Variants in AAGAB observed in about 807,000 individuals in gnomAD.
The protein encoded by AAGAB is alpha- and gamma-adaptin-binding protein p34.
A neutral mutation model predicts 44.1 loss-of-function variants in AAGAB; 38 were observed. The observed-to-expected ratio is 0.86, with a 90% CI of 0.67 to 1.13. The LOEUF is 1.13. Ranked by LOEUF, AAGAB falls within the 50% of genes most tolerant of loss-of-function variation. The probability of loss-of-function intolerance (pLI) is 0.00; values close to 1 mark genes in which losing one functional copy is unlikely to be tolerated. For synonymous variants in AAGAB, 131 were observed against 131.8 expected, an observed-to-expected ratio of 0.99 and a Z score of 0.04; for missense variants, 450 against 373.8, an observed-to-expected ratio of 1.20 and a Z score of -1.68.
intron 5 of AAGAB, among the ~76,000 whole-genome samples, chr15:67,228,355 T>C (rs879328909): frequency 1.6e-4 from 24 of 152,240 alleles, no homozygotes; most frequent in Non-Finnish European, 2.2e-4. Flanking sequence ...AACAAGGATT[T>C]GCTAAATAGA....
At chr15:67,238,850 C>G (rs1171643941) in intron 1 of AAGAB, among the ~76,000 whole-genome samples, 3 of 152,178 alleles carry the variant, frequency 2.0e-5, no homozygotes, top group Admixed American at 6.5e-5. Context: ...CACCCGCCAC[C>G]ATGCCCAGCT....
rs1963591510 is a variant in AAGAB at position 67,202,581 on chromosome 15, G to C, written c.*240C>G. 2 of 487,672 alleles carry C rather than the reference G, an allele frequency of 4.1e-6. No homozygotes were observed. Among genetic ancestry groups the C allele is most frequent in the South Asian group, 7.2e-5 (2 of 27,870 alleles). The allele number at this position is 487,672 out of a possible 1,614,324, so 30.2% of individuals were successfully genotyped here. A position where few individuals can be genotyped will look rare whatever the true frequency, so the allele number is the denominator to read the frequency against. The stretch of plus-strand genomic sequence containing the variant: ...CCCTCATTCCTAGAACAAAAAAAAA[G>C]TATATTTAAGAAATCCTCACTCATT... On this transcript the variant is annotated 3_prime_UTR_variant, in exon 10 of 10. Coordinates refer to ENST00000261880, the MANE Select transcript of AAGAB (RefSeq NM_024666.5).
intron 5 of AAGAB, among the ~76,000 whole-genome samples, chr15:67,210,869 C>G (rs182204488): frequency 3.9e-5 from 6 of 152,224 alleles, no homozygotes; most frequent in African/African-American, 7.2e-5. Context: ...GACTGTAACC[C>G]AAGAGTAACA....
At chr15:67,209,625 C>T (rs1963765653) in intron 5 of AAGAB, 81 bp from the exon 6 acceptor site, 1 of 1,129,914 alleles carries the variant, frequency 8.9e-7, no homozygotes, top group Non-Finnish European at 1.3e-6. Flanking sequence ...GAAACAAAGG[C>T]TACTTATTTG....
chr15:67,230,278 C>CAATT (rs1304869160), intron 5 of AAGAB, among the ~76,000 whole-genome samples: 1 of 152,160 alleles, frequency 6.6e-6, no homozygotes, highest in Non-Finnish European at 1.5e-5. Flanking sequence ...TGTTAATGGA[C>CAATT]TGAATTGTAT....
intron 5 of AAGAB, among the ~76,000 whole-genome samples, chr15:67,216,376 A>G (rs1963946397): frequency 8.1e-6 from 1 of 123,556 alleles, no homozygotes. Context: ...CGGGAGGTGG[A>G]GGTTGCAGTG....
Position 67,202,871 on chromosome 15 carries a change from C to A in AAGAB, c.898G>T (p.Gly300Trp). ...CCTTCAATTTCATCTCTGTCTCCCCCGATTGCCATCCAGAATGCTTTGGCC... is the reference window on the plus strand; with the variant it reads ...CCTTCAATTTCATCTCTGTCTCCCCAGATTGCCATCCAGAATGCTTTGGCC... ...KVAKAFWMAI[G>W]GDRDEIEGLS... is the part of the protein sequence containing the mutation. Residue 300 changes from glycine to tryptophan, a missense_variant, in exon 10 of 10, where the codon GGG (glycine) becomes TGG (tryptophan). Gly to Trp is a radical substitution (Grantham distance 184, BLOSUM62 -2). Coordinates refer to ENST00000261880, the MANE Select transcript of AAGAB (RefSeq NM_024666.5). 3 of 1,614,042 alleles carry A rather than the reference C, an allele frequency of 1.9e-6. No homozygotes were observed. The highest frequency in any genetic ancestry group is 2.5e-6 in the Non-Finnish European group (3 of 1,179,948).
At chr15:67,214,485 G>T (rs1407943577) in intron 5 of AAGAB, among the ~76,000 whole-genome samples, 1 of 152,206 alleles carries the variant, frequency 6.6e-6, no homozygotes, top group Non-Finnish European at 1.5e-5. Context: ...AGGTGGGAAA[G>T]AGGGGTGTCC....
intron 1 of AAGAB, among the ~76,000 whole-genome samples, chr15:67,246,656 C>T (rs2140395756): frequency 6.6e-6 from 1 of 151,646 alleles, no homozygotes; most frequent in Non-Finnish European, 1.5e-5. Context: ...AAAAACACAC[C>T]AATCAGCACT....
intron 1 of AAGAB, among the ~76,000 whole-genome samples, chr15:67,237,594 C>A (rs1964501182): frequency 6.6e-6 from 1 of 152,094 alleles, no homozygotes; most frequent in African/African-American, 2.4e-5. Context: ...GGTTATGGAG[C>A]CATGGAAGCA....
At chr15:67,208,410 G>C in intron 7 of AAGAB, 152 bp downstream of exon 7, 1 of 593,380 alleles carries the variant, frequency 1.7e-6, no homozygotes, top group Non-Finnish European at 3.0e-6. Context: ...TTTTCTGATA[G>C]CCACTGGCAA....
rs1344231919 is a variant in AAGAB at position 67,201,191 on chromosome 15, T to G, written c.*1630A>C. 1.3e-5 allele frequency: 2 copies of G among 151,400 alleles called. No homozygotes were observed. The highest frequency in any genetic ancestry group is 4.9e-5 in the African/African-American group (2 of 41,226). 9.4% of individuals were successfully genotyped at this position (151,400 alleles called of 1,614,324 possible). A position where few individuals can be genotyped will look rare whatever the true frequency, so the allele number is the denominator to read the frequency against. On this transcript the variant is annotated 3_prime_UTR_variant, in exon 10 of 10. Coordinates refer to ENST00000261880, the MANE Select transcript of AAGAB (RefSeq NM_024666.5). ...ACATGTTCCACCTTTTTTTTTTTTTTGCAATCCCAGAGCCAACTTCCCTAA... is the reference window on the plus strand; with the variant it reads ...ACATGTTCCACCTTTTTTTTTTTTTGGCAATCCCAGAGCCAACTTCCCTAA...
At position 67,236,008 on chromosome 15, in the gene AAGAB, A is replaced by G. The variant is rs752787562; in HGVS notation, c.422T>C (p.Leu141Pro). The G allele has an allele frequency of 2.5e-6, 4 of 1,613,526 alleles. No homozygotes were observed. The highest frequency in any genetic ancestry group is 3.4e-6 in the Non-Finnish European group (4 of 1,179,682). The part of the protein sequence containing the change: ...CIKHGFELVE[L>P]SPEELPEEDD... ...CTCCTCAGGCAACTCCTCTGGACTA[A>G]GTTCTACCAATTCAAAGCCATGTTT... is the stretch of plus-strand genomic sequence containing the variant. The change falls in exon 4 of 10, where the codon CTT (leucine) becomes CCT (proline). Residue 141 changes from leucine to proline, a missense_variant. Coordinates refer to ENST00000261880, the MANE Select transcript of AAGAB (RefSeq NM_024666.5).
chr15:67,236,350 T>C (rs772914150), intron 3 of AAGAB, 58 bp downstream of exon 3: 18 of 1,474,704 alleles, frequency 1.2e-5, no homozygotes, highest in Admixed American at 1.7e-5. Context: ...AGATGTACTC[T>C]GTTTATCAAG....
chr15:67,222,242 G>GCGCGCGCGCACACACA (rs1367738219), intron 5 of AAGAB, among the ~76,000 whole-genome samples: 3 of 90,044 alleles, frequency 3.3e-5, no homozygotes, highest in African/African-American at 1.1e-4. Context: ...GCGCGCGCGC[G>GCGCGCGCGCACACACA]CACACACACA....
At chr15:67,251,466 G>C (rs969548270) in intron 1 of AAGAB, among the ~76,000 whole-genome samples, 28 of 152,072 alleles carry the variant, frequency 1.8e-4, no homozygotes, top group African/African-American at 6.8e-4. Flanking sequence ...ATGTTGCCCA[G>C]GCTGGTCTTG....
intron 1 of AAGAB, among the ~76,000 whole-genome samples, chr15:67,246,207 C>A (rs1451903780): frequency 1.3e-5 from 2 of 151,950 alleles, no homozygotes; most frequent in Non-Finnish European, 2.9e-5. Context: ...ACGGCAAAAC[C>A]CCTTCTCTAC....
chr15:67,245,272 G>C lies in AAGAB; in HGVS notation c.74-8452C>G, dbSNP rs561152424. 6.8e-4 allele frequency among the ~76,000 whole-genome samples: 103 copies of C among 152,290 alleles called. No homozygotes were observed. The Middle Eastern group carries it at 0.01, about 15-fold the overall frequency. On this transcript the variant is annotated intron_variant, in intron 1 of 9. Coordinates refer to ENST00000261880, the MANE Select transcript of AAGAB (RefSeq NM_024666.5). ...GAAACAATCCAAATGTCCATCAACT[G>C]ATGAATGGATAAACAAAATGTGGTA...
At chr15:67,253,321 G>C (rs1423718054) in intron 1 of AAGAB, among the ~76,000 whole-genome samples, 1 of 150,782 alleles carries the variant, frequency 6.6e-6, no homozygotes, top group Non-Finnish European at 1.5e-5. Context: ...CCAGATACTT[G>C]GGAGGCTGAG....
Sources: allele counts gnomAD v4.1 joint callset (sites outside exome capture counted in the v4.1 genomes callset), GRCh38; gene constraint gnomAD v4.1.1; transcripts MANE v1.5; gene names NCBI Gene and HGNC (gene_info 2026-07-23, HGNC 2026-07-21).